RNF130: variants seen among roughly 807,000 people sequenced by gnomAD.
RNF130 encodes the protein E3 ubiquitin-protein ligase RNF130.
RNF130 carries 21 observed loss-of-function variants against 44.6 expected under a neutral mutation model. The observed-to-expected ratio is 0.47, with a 90% CI of 0.33 to 0.68. RNF130 has a LOEUF of 0.68. Among genes scored for constraint, RNF130 ranks in the 30% least tolerant of loss-of-function variants. RNF130 has a pLI of 0.02. For synonymous variants in RNF130, 214 were observed against 210.4 expected, an observed-to-expected ratio of 1.02 and a Z score of -0.15; for missense variants, 479 against 560.6, an observed-to-expected ratio of 0.85 and a Z score of 1.47.
At chr5:179,920,950 G>A (rs576865906) in intron 7 of RNF130, among the ~76,000 whole-genome samples, 1 of 151,742 alleles carries the variant, frequency 6.6e-6, no homozygotes, top group African/African-American at 2.4e-5. Context: ...TGGAAGATGA[G>A]GATTTTCTCC....
chr5:179,939,739 C>T (rs1212957500), intron 7 of RNF130: 117 of 443,770 alleles, frequency 2.6e-4, no homozygotes, highest in South Asian at 1.9e-3. Flanking sequence ...CCACTGAAAG[C>T]GGAGAAAAAC....
chr5:179,979,975 T>C (rs147398424), intron 4 of RNF130, among the ~76,000 whole-genome samples, 154 bp downstream of exon 4: 1 of 152,352 alleles, frequency 6.6e-6, no homozygotes, highest in East Asian at 1.9e-4. Context: ...CTAGAGTTAC[T>C]GTAAGAAGGT....
intron 3 of RNF130, among the ~76,000 whole-genome samples, chr5:180,007,248 A>G (rs1763480374): frequency 6.6e-6 from 1 of 152,086 alleles, no homozygotes; most frequent in African/African-American, 2.4e-5. Context: ...TAAAAATACA[A>G]AAATTAGCCA....
At chr5:180,030,090 C>T (rs961012545) in intron 2 of RNF130, among the ~76,000 whole-genome samples, 3 of 152,056 alleles carry the variant, frequency 2.0e-5, no homozygotes, top group East Asian at 1.9e-4. Flanking sequence ...TCAGGTGATC[C>T]GCCTACCTCG....
rs562629560 is a variant in RNF130 at position 179,948,334 on chromosome 5, A to G, written c.1150+18472T>C. On this transcript the variant is annotated intron_variant, in intron 7 of 7. Coordinates refer to the RNF130 transcript ENST00000522208. The stretch of plus-strand genomic sequence containing the variant: ...CTGCCCAGCTTCATGGCAGACCTGG[A>G]ATGGTGGTCTCTGTTTCACCGGGAC... Among the ~76,000 whole-genome samples, 3 of 152,262 alleles carry G rather than the reference A, an allele frequency of 2.0e-5. No individual in the cohort carries two copies. In the East Asian group the frequency reaches 5.8e-4, roughly 29 times the overall value.
chr5:179,995,834 T>C (rs979345599), intron 3 of RNF130, among the ~76,000 whole-genome samples: 4 of 152,258 alleles, frequency 2.6e-5, no homozygotes, highest in Admixed American at 6.5e-5. Context: ...GTGTCTGAAA[T>C]GTTCTGTTCA....
rs529882943 is a variant in RNF130 at position 179,920,546 on chromosome 5, A to C, written c.1151-120T>G. 1.3e-4 allele frequency: 80 copies of C among 616,242 alleles called. 1 individual carries two copies. The South Asian group carries it at 1.4e-3, about 11-fold the overall frequency. The allele number at this position is 616,242 out of a possible 1,614,324, so 38.2% of individuals were successfully genotyped here. A position where few individuals can be genotyped will look rare whatever the true frequency, so the allele number is the denominator to read the frequency against. ...TGACATTTTCTTAACTATCCTTCATAAGGGGCTCTTATTAGAGAGATACAA... is the reference window on the plus strand; with the variant it reads ...TGACATTTTCTTAACTATCCTTCATCAGGGGCTCTTATTAGAGAGATACAA... On this transcript the variant is annotated intron_variant, in intron 7 of 7. Coordinates refer to the RNF130 transcript ENST00000522208.
At chr5:180,033,696 TA>T (rs34698128) in intron 2 of RNF130, among the ~76,000 whole-genome samples, 118,426 of 148,912 alleles carry the variant, frequency 0.8, 47,072 homozygotes, top group South Asian at 0.93. Flanking sequence ...ACTCTGCCTT[TA>T]AAAAAAAAAA....
At chr5:180,004,558 C>T (rs116591336) in intron 3 of RNF130, among the ~76,000 whole-genome samples, 1 of 152,266 alleles carries the variant, frequency 6.6e-6, no homozygotes, top group South Asian at 2.1e-4. Flanking sequence ...TTGTTAGGGG[C>T]CAGATTATCT....
chr5:180,036,174 T>C (rs1446252249), intron 2 of RNF130, among the ~76,000 whole-genome samples: 1 of 152,202 alleles, frequency 6.6e-6, no homozygotes, highest in Non-Finnish European at 1.5e-5. Flanking sequence ...AAGTTGGTGG[T>C]GTTGCCTTGT....
At chr5:179,982,900 T>C (rs544999142) in intron 3 of RNF130, among the ~76,000 whole-genome samples, 12 of 152,288 alleles carry the variant, frequency 7.9e-5, no homozygotes, top group African/African-American at 2.4e-4. Context: ...CAGTTTTAAT[T>C]TGCATTTCCC....
chr5:180,066,968 A>G (rs573291100), intron 1 of RNF130, among the ~76,000 whole-genome samples: 7 of 152,332 alleles, frequency 4.6e-5, no homozygotes, highest in African/African-American at 1.7e-4. Flanking sequence ...GGTCAAGGCT[A>G]CAGTGAGCTA....
At chr5:180,061,728 A>G (rs1019946546) in intron 1 of RNF130, among the ~76,000 whole-genome samples, 4 of 152,096 alleles carry the variant, frequency 2.6e-5, no homozygotes, top group Non-Finnish European at 5.9e-5. Context: ...AACTGAAATG[A>G]TTTTATCCTG....
intron 3 of RNF130, among the ~76,000 whole-genome samples, chr5:179,992,762 A>G (rs1763115140): frequency 6.6e-6 from 1 of 152,142 alleles, no homozygotes; most frequent in Non-Finnish European, 1.5e-5. Context: ...TCTAGGGTAC[A>G]TGTGCACAAC....
At chr5:180,045,659 A>C (rs1439049591) in intron 1 of RNF130, among the ~76,000 whole-genome samples, 3 of 152,182 alleles carry the variant, frequency 2.0e-5, no homozygotes, top group African/African-American at 7.2e-5. Flanking sequence ...TGGTGCGTTT[A>C]CAAACCTTGA....
chr5:180,023,222 T>A (rs759259611), intron 2 of RNF130, among the ~76,000 whole-genome samples: 1 of 152,192 alleles, frequency 6.6e-6, no homozygotes, highest in African/African-American at 2.4e-5. Flanking sequence ...TGATTACAGA[T>A]AGAAATATTT....
At chr5:179,975,528 C>G (rs1327193239) in intron 5 of RNF130, among the ~76,000 whole-genome samples, 2 of 152,180 alleles carry the variant, frequency 1.3e-5, no homozygotes, top group Admixed American at 1.3e-4. Flanking sequence ...TTTTGCTACA[C>G]CTGATAACTG....
At chr5:180,057,908 C>T (rs1002078014) in intron 1 of RNF130, among the ~76,000 whole-genome samples, 3 of 152,176 alleles carry the variant, frequency 2.0e-5, no homozygotes, top group African/African-American at 4.8e-5. Flanking sequence ...CCACTACCTA[C>T]AACCGGTGTC....
intron 2 of RNF130, among the ~76,000 whole-genome samples, chr5:180,034,273 A>C (rs1021047025): frequency 6.6e-6 from 1 of 151,284 alleles, no homozygotes; most frequent in Non-Finnish European, 1.5e-5. Flanking sequence ...ACTAGATTCT[A>C]TTTGCTAATA....
Sources: gnomAD v4.1 joint callset for allele counts (sites outside exome capture counted in the v4.1 genomes callset) on GRCh38, gnomAD v4.1.1 for gene constraint, MANE v1.5 for transcripts, NCBI Gene and HGNC (gene_info 2026-07-23, HGNC 2026-07-21) for gene names.